Variants in RSRC1 observed in about 807,000 individuals in gnomAD.
The protein encoded by RSRC1 is serine/Arginine-related protein 53.
RSRC1 carries 39 observed loss-of-function variants against 49.1 expected under a neutral mutation model. That is an observed-to-expected ratio of 0.79 (90% confidence interval 0.61 to 1.04). The LOEUF (loss-of-function observed/expected upper bound fraction) is 1.04, where lower values mean the gene tolerates loss of function less well. Ranked by LOEUF, RSRC1 falls within the 50% of genes least tolerant of loss-of-function variation. RSRC1 has a pLI of 0.00. For missense variants in RSRC1, 388 were observed against 402.4 expected (o/e 0.96, Z 0.31); for synonymous variants, 143 against 130.8 (o/e 1.09, Z -0.63).
chr3:158,227,672 A>C (rs1722604523), intron 4 of RSRC1, among the ~76,000 whole-genome samples: 1 of 152,032 alleles, frequency 6.6e-6, no homozygotes. Flanking sequence ...TTGAAAGGCT[A>C]TTTGGAAAGC....
At chr3:158,509,267 T>C (rs1389282573) in intron 7 of RSRC1, among the ~76,000 whole-genome samples, 1 of 152,194 alleles carries the variant, frequency 6.6e-6, no homozygotes, top group Non-Finnish European at 1.5e-5. Flanking sequence ...TTTTTAACTG[T>C]TTTTATTAAG....
intron 4 of RSRC1, among the ~76,000 whole-genome samples, chr3:158,270,694 G>A (rs1321241972): frequency 1.3e-5 from 2 of 152,050 alleles, no homozygotes; most frequent in East Asian, 3.8e-4. Flanking sequence ...TGGCATTTAT[G>A]TTTTAAGTTT....
chr3:158,500,722 A>G (rs1211547044), intron 7 of RSRC1, among the ~76,000 whole-genome samples: 1 of 151,884 alleles, frequency 6.6e-6, no homozygotes, highest in African/African-American at 2.4e-5. Context: ...CTCCTGTTTC[A>G]TTTCTTAATG....
chr3:158,223,969 C>T lies in RSRC1; in HGVS notation c.494+20724C>T, dbSNP rs79979369. ...ACTGATTGTAAATTAGCTGTCCCTA[C>T]CCCATTACTCTATATTCTGTTTCTG... On this transcript the variant is annotated intron_variant, in intron 4 of 9. Transcript: ENST00000611884. 9.9e-3 allele frequency among the ~76,000 whole-genome samples: 1,508 copies of T among 151,824 alleles called. 26 individuals are homozygous for T. Among genetic ancestry groups the T allele is most frequent in the African/African-American group, 0.035 (1,447 of 41,488 alleles).
chr3:158,287,615 C>T (rs1373034970), intron 4 of RSRC1, among the ~76,000 whole-genome samples: 2 of 151,974 alleles, frequency 1.3e-5, no homozygotes, highest in Admixed American at 1.3e-4. Context: ...GGATAGTATG[C>T]AAACATTAAA....
chr3:158,255,014 A>G, intron 4 of RSRC1, among the ~76,000 whole-genome samples: 1 of 152,092 alleles, frequency 6.6e-6, no homozygotes, highest in East Asian at 1.9e-4. Context: ...CCCATTCTGT[A>G]GGTTGCCTGT....
intron 4 of RSRC1, among the ~76,000 whole-genome samples, chr3:158,276,630 T>A (rs1430021887): frequency 1.3e-5 from 2 of 152,206 alleles, no homozygotes; most frequent in Non-Finnish European, 2.9e-5. Flanking sequence ...TTTTAAATAA[T>A]CATTTTCTTT....
chr3:158,538,688 C>G (rs1014320681), intron 8 of RSRC1, among the ~76,000 whole-genome samples: 25 of 151,880 alleles, frequency 1.6e-4, no homozygotes, highest in African/African-American at 5.8e-4. Flanking sequence ...ATTTTCAAGT[C>G]AACGCCTCCA....
intron 6 of RSRC1, among the ~76,000 whole-genome samples, chr3:158,453,622 A>G (rs1295716609): frequency 6.6e-6 from 1 of 151,786 alleles, no homozygotes; most frequent in Non-Finnish European, 1.5e-5. Context: ...GCCTCAATTG[A>G]TCCTCCCAAA....
chr3:158,209,439 A>G (rs1246614643), intron 4 of RSRC1, among the ~76,000 whole-genome samples: 2 of 152,110 alleles, frequency 1.3e-5, no homozygotes, highest in Admixed American at 6.6e-5. Flanking sequence ...TTTATTCATT[A>G]TAAACTAATG....
intron 5 of RSRC1, 25 bp from the exon 6 acceptor site, chr3:158,354,832 G>T: frequency 6.7e-7 from 1 of 1,492,422 alleles, no homozygotes; most frequent in South Asian, 1.3e-5. Context: ...TTGTATGGTT[G>T]AATTTTTTTT....
intron 7 of RSRC1, among the ~76,000 whole-genome samples, chr3:158,534,594 G>T (rs546062985): frequency 1.3e-5 from 2 of 151,644 alleles, no homozygotes; most frequent in Non-Finnish European, 3.0e-5. Flanking sequence ...CAGCTAGCAT[G>T]TGAAAAAACT....
At chr3:158,236,183 G>C (rs986446110) in intron 4 of RSRC1, among the ~76,000 whole-genome samples, 1 of 151,868 alleles carries the variant, frequency 6.6e-6, no homozygotes, top group South Asian at 2.1e-4. Flanking sequence ...GAATACAAAG[G>C]TAATTCAATA....
chr3:158,369,530 A>T (rs1731953731), intron 6 of RSRC1, among the ~76,000 whole-genome samples: 1 of 152,178 alleles, frequency 6.6e-6, no homozygotes, highest in South Asian at 2.1e-4. Flanking sequence ...ATCACTCATT[A>T]CATTTTAGGC....
intron 3 of RSRC1, among the ~76,000 whole-genome samples, chr3:158,194,923 G>T (rs1285294562): frequency 6.6e-6 from 1 of 152,098 alleles, no homozygotes; most frequent in Non-Finnish European, 1.5e-5. Context: ...TAGGTTCCAA[G>T]TCTTTGCTAT....
chr3:158,303,461 C>T (rs1421436644), intron 5 of RSRC1: 3 of 152,102 alleles, frequency 2.0e-5, no homozygotes, highest in Non-Finnish European at 4.4e-5. Flanking sequence ...GGCAGTGCTT[C>T]ACCATCTTTA....
At chr3:158,533,047 A>T (rs1463157405) in intron 7 of RSRC1, among the ~76,000 whole-genome samples, 1 of 151,806 alleles carries the variant, frequency 6.6e-6, no homozygotes, top group Non-Finnish European at 1.5e-5. Context: ...TATATTATTG[A>T]TATGTTTTAT....
intron 4 of RSRC1, among the ~76,000 whole-genome samples, chr3:158,219,480 G>A (rs984826322): frequency 6.6e-6 from 1 of 151,400 alleles, no homozygotes; most frequent in Admixed American, 6.6e-5. Context: ...TAGTTTTTTA[G>A]TTATCCTTCT....
intron 4 of RSRC1, among the ~76,000 whole-genome samples, chr3:158,231,796 T>C (rs1175812909): frequency 6.6e-6 from 1 of 152,114 alleles, no homozygotes; most frequent in Non-Finnish European, 1.5e-5. Context: ...ATCTGTAGTT[T>C]TACATGTCTA....
Sources: allele counts gnomAD v4.1 joint callset (sites outside exome capture counted in the v4.1 genomes callset), GRCh38; gene constraint gnomAD v4.1.1; transcripts MANE v1.5; gene names NCBI Gene and HGNC (gene_info 2026-07-23, HGNC 2026-07-21).